Variants in UGT1A8 observed in about 807,000 individuals in gnomAD.
UGT1A8 encodes UDP glucuronosyltransferase family 1 member A8, also known as UDP-glucuronosyltransferase 1A8.
Under a neutral mutation model 45.3 loss-of-function variants are expected in UGT1A8, and 39 were observed. The ratio of observed to expected loss-of-function variants is 0.86; its 90% CI spans 0.67 to 1.12. The LOEUF is 1.12. Ranked by LOEUF, UGT1A8 falls within the 50% of genes most tolerant of loss-of-function variation. The pLI is 0.00. For missense variants in UGT1A8, 719 were observed against 664.9 expected (o/e 1.08, Z -0.90); for synonymous variants, 275 against 249.2 (o/e 1.10, Z -0.97).
At chr2:233,767,191 C>T (rs1476411384) in intron 2 of UGT1A8, 26 bp downstream of exon 2, 2 of 1,613,814 alleles carry the variant, frequency 1.2e-6, no homozygotes, top group Non-Finnish European at 1.7e-6. Context: ...ACCATGGCCT[C>T]ATATCTATTT....
intron 1 of UGT1A8, chr2:233,681,760 G>T: frequency 1.0e-5 from 9 of 903,718 alleles, no homozygotes; most frequent in Non-Finnish European, 1.2e-5. Flanking sequence ...AGGTATCTCA[G>T]CAAAGGCTAC....
chr2:233,713,105 C>A (rs1300950755), intron 1 of UGT1A8: 1 of 1,614,212 alleles, frequency 6.2e-7, no homozygotes, highest in Admixed American at 1.7e-5. Flanking sequence ...CCACTGATGG[C>A]AGCCACTGGC....
In UGT1A8 at chr2:233,618,265, T is replaced by C. The variant is rs779701467; in HGVS notation, c.558T>C (p.Pro186=). The change falls in exon 1 of 5, where the codon CCT becomes CCC. Residue 186 remains proline, a synonymous_variant. Transcript: ENST00000373450. ...AAGAAGGTGCACAGTGCCCTGCTCC[T>C]CTTTCCTATGTCCCCAGAATTCTCT... is the stretch of plus-strand genomic sequence containing the variant. The part of the protein sequence containing the change: ...YLEEGAQCPA[P]LSYVPRILLG... 4 of 1,613,954 alleles carry C rather than the reference T, an allele frequency of 2.5e-6. No homozygotes were observed. The highest frequency in any genetic ancestry group is 1.7e-6 in the Non-Finnish European group (2 of 1,179,862).
intron 1 of UGT1A8, among the ~76,000 whole-genome samples, chr2:233,737,902 T>C (rs1690626433): frequency 6.6e-6 from 1 of 152,134 alleles, no homozygotes; most frequent in Non-Finnish European, 1.5e-5. Flanking sequence ...TCGAGTGTGG[T>C]AAAGAACAGG....
chr2:233,734,934 T>A (rs2078587664), intron 1 of UGT1A8, among the ~76,000 whole-genome samples: 1 of 152,172 alleles, frequency 6.6e-6, no homozygotes, highest in Admixed American at 6.6e-5. Flanking sequence ...TTACTTACAA[T>A]CATATGGTCA....
chr2:233,764,699 G>A (rs1698625659), intron 1 of UGT1A8, among the ~76,000 whole-genome samples: 1 of 152,188 alleles, frequency 6.6e-6, no homozygotes, highest in African/African-American at 2.4e-5. Flanking sequence ...ACTTGGAAAT[G>A]AGCTGTGTCT....
At chr2:233,693,226 A>C in intron 1 of UGT1A8, 1 of 1,614,228 alleles carries the variant, frequency 6.2e-7, no homozygotes, top group Non-Finnish European at 8.5e-7. Flanking sequence ...AATACTACAC[A>C]AGAAAAATCT....
intron 1 of UGT1A8, among the ~76,000 whole-genome samples, chr2:233,674,616 T>C (rs931072279): frequency 6.6e-6 from 1 of 150,972 alleles, no homozygotes; most frequent in Admixed American, 6.7e-5. Flanking sequence ...CATCAAACTA[T>C]ATATGGTTTC....
intron 1 of UGT1A8, among the ~76,000 whole-genome samples, chr2:233,766,114 G>A (rs1214540183): frequency 6.6e-6 from 1 of 152,178 alleles, no homozygotes; most frequent in Non-Finnish European, 1.5e-5. Flanking sequence ...CTGGGGGCTT[G>A]CCTTGGTGTA....
chr2:233,642,887 ACTCT>A (rs143675434), intron 1 of UGT1A8, among the ~76,000 whole-genome samples: 5 of 142,788 alleles, frequency 3.5e-5, no homozygotes, highest in African/African-American at 5.1e-5. Context: ...TCTCTCTCTC[ACTCT>A]CTCTCTCTCT....
intron 1 of UGT1A8, among the ~76,000 whole-genome samples, chr2:233,657,621 A>G (rs2073884194): frequency 6.6e-6 from 1 of 152,226 alleles, no homozygotes; most frequent in Admixed American, 6.5e-5. Context: ...TAGGGATTAA[A>G]TTTCAACACT....
intron 1 of UGT1A8, among the ~76,000 whole-genome samples, chr2:233,631,070 C>A (rs2073178053): frequency 1.3e-5 from 2 of 151,462 alleles, no homozygotes; most frequent in Admixed American, 1.3e-4. Context: ...CTACTTGCAA[C>A]TCCAACTCCA....
chr2:233,735,275 T>G (rs968370538), intron 1 of UGT1A8, among the ~76,000 whole-genome samples: 2 of 152,218 alleles, frequency 1.3e-5, no homozygotes, highest in Non-Finnish European at 2.9e-5. Context: ...GTAATGGCCT[T>G]CTTTGTCTCT....
chr2:233,755,835 G>A (rs1438571974), intron 1 of UGT1A8: 4 of 152,284 alleles, frequency 2.6e-5, no homozygotes, highest in Non-Finnish European at 5.9e-5. Context: ...TATTCATTGG[G>A]CAATTTAAGA....
At chr2:233,760,488 C>T (rs2125984883) in intron 1 of UGT1A8, 1 of 1,614,254 alleles carries the variant, frequency 6.2e-7, no homozygotes, top group Non-Finnish European at 8.5e-7. Context: ...CCTCGTTGTA[C>T]ATCAGAGACG....
chr2:233,640,536 A>T (rs1336876515), intron 1 of UGT1A8, among the ~76,000 whole-genome samples: 4 of 152,172 alleles, frequency 2.6e-5, no homozygotes, highest in African/African-American at 9.7e-5. Flanking sequence ...TTTTATGTTG[A>T]TCTATGGAAC....
At chr2:233,656,146 G>C (rs2073847929) in intron 1 of UGT1A8, among the ~76,000 whole-genome samples, 1 of 152,102 alleles carries the variant, frequency 6.6e-6, no homozygotes, top group Non-Finnish European at 1.5e-5. Flanking sequence ...ATTTATGAAG[G>C]CCATCCTGAC....
intron 1 of UGT1A8, chr2:233,729,991 C>T (rs770784414): frequency 6.2e-6 from 10 of 1,613,902 alleles, no homozygotes; most frequent in Admixed American, 1.7e-5. Flanking sequence ...GCCACTATCT[C>T]AGGTCTGTAT....
chr2:233,661,499 C>A (rs1410021937), intron 1 of UGT1A8, among the ~76,000 whole-genome samples: 1 of 152,130 alleles, frequency 6.6e-6, no homozygotes, highest in African/African-American at 2.4e-5. Flanking sequence ...ATCCTTCTTT[C>A]TACCTTGGCA....
Sources: allele counts gnomAD v4.1 joint callset (sites outside exome capture counted in the v4.1 genomes callset), GRCh38; gene constraint gnomAD v4.1.1; transcripts MANE v1.5; gene names NCBI Gene and HGNC (gene_info 2026-07-23, HGNC 2026-07-21).